FRK: variants seen among roughly 807,000 people sequenced by gnomAD.
FRK encodes fyn related Src family tyrosine kinase, also known as tyrosine-protein kinase FRK.
FRK carries 51 observed loss-of-function variants against 56.4 expected under a neutral mutation model. The observed-to-expected ratio is 0.90, with a 90% CI of 0.72 to 1.14. The LOEUF (loss-of-function observed/expected upper bound fraction) is 1.14, where lower values mean the gene tolerates loss of function less well. FRK is among the 50% of genes most tolerant of loss of function. The pLI is 0.00. For synonymous variants in FRK, 245 were observed against 217.9 expected (o/e 1.12, Z -1.10); for missense variants, 570 against 601.4 (o/e 0.95, Z 0.55).
At chr6:116,070,676 C>T in the FRK span, among the ~76,000 whole-genome samples, 4 of 152,170 alleles carry the variant, frequency 2.6e-5, no homozygotes, top group Non-Finnish European at 5.9e-5. Flanking sequence ...AGGTTAATTT[C>T]TATCACCCAT....
intron 1 of FRK, among the ~76,000 whole-genome samples, chr6:116,041,283 G>T (rs1776700357): frequency 6.6e-6 from 1 of 152,156 alleles, no homozygotes; most frequent in Admixed American, 6.5e-5. Context: ...GTATTCTCTG[G>T]ATTATAACAG....
intron 1 of FRK, among the ~76,000 whole-genome samples, chr6:116,030,774 G>A (rs1032730895): frequency 2.6e-5 from 4 of 152,058 alleles, no homozygotes; most frequent in African/African-American, 4.8e-5. Context: ...GTTTCCCTGA[G>A]TTCTGTGAGC....
chr6:115,947,267 A>G (rs1772495937), intron 5 of FRK, among the ~76,000 whole-genome samples: 1 of 152,102 alleles, frequency 6.6e-6, no homozygotes, highest in African/African-American at 2.4e-5. Flanking sequence ...TTTTTAATAA[A>G]AAATGAAATA....
chr6:116,034,440 T>C (rs1776397830), intron 1 of FRK, among the ~76,000 whole-genome samples: 1 of 152,124 alleles, frequency 6.6e-6, no homozygotes, highest in South Asian at 2.1e-4. Context: ...CAACAAGTAT[T>C]ACGATATGGA....
chr6:115,968,832 A>T, intron 2 of FRK, 93 bp from the exon 3 acceptor site: 2 of 1,035,450 alleles, frequency 1.9e-6, no homozygotes, highest in East Asian at 5.0e-5. Context: ...CATAAAATGA[A>T]ATCTATATAA....
intron 5 of FRK, among the ~76,000 whole-genome samples, chr6:115,951,515 C>G (rs948157391): frequency 1.3e-5 from 2 of 152,096 alleles, no homozygotes; most frequent in Admixed American, 1.3e-4. Flanking sequence ...GATATTTATC[C>G]TCTTTAAATT....
At chr6:116,095,272 C>T in the FRK span, among the ~76,000 whole-genome samples, 1 of 152,196 alleles carries the variant, frequency 6.6e-6, no homozygotes, top group Admixed American at 6.5e-5. Context: ...TAAGGGAACT[C>T]TTTATAGAAG....
At chr6:115,948,479 C>T (rs1385083619) in intron 5 of FRK, among the ~76,000 whole-genome samples, 1 of 152,196 alleles carries the variant, frequency 6.6e-6, no homozygotes, top group Non-Finnish European at 1.5e-5. Context: ...CTAAGTTTTA[C>T]AAGTTTCTCC....
chr6:116,053,639 G>A (rs1236329015), intron 1 of FRK, among the ~76,000 whole-genome samples: 1 of 152,026 alleles, frequency 6.6e-6, no homozygotes, highest in Non-Finnish European at 1.5e-5. Flanking sequence ...GTTAAAATTT[G>A]GGTTCTAATC....
chr6:115,953,780 A>G (rs1011067431), intron 5 of FRK, among the ~76,000 whole-genome samples: 1 of 152,202 alleles, frequency 6.6e-6, no homozygotes, highest in Non-Finnish European at 1.5e-5. Flanking sequence ...CCAAGTCCCA[A>G]TCTTGTTAGG....
At chr6:115,988,945 T>A (rs1049236464) in intron 2 of FRK, among the ~76,000 whole-genome samples, 1 of 151,900 alleles carries the variant, frequency 6.6e-6, no homozygotes, top group African/African-American at 2.4e-5. Context: ...TGACTGACTT[T>A]CATCACCAGG....
intron 2 of FRK, among the ~76,000 whole-genome samples, chr6:115,974,145 T>C (rs1384241612): frequency 2.6e-5 from 4 of 152,144 alleles, no homozygotes; most frequent in African/African-American, 4.8e-5. Context: ...ATTTCCCTTA[T>C]ATAAACAAGA....
At chr6:115,947,252 T>A (rs929736973) in intron 5 of FRK, among the ~76,000 whole-genome samples, 2 of 152,154 alleles carry the variant, frequency 1.3e-5, no homozygotes, top group Non-Finnish European at 2.9e-5. Flanking sequence ...TCTATATATA[T>A]GATATTTTTA....
intron 1 of FRK, among the ~76,000 whole-genome samples, chr6:116,031,765 A>T (rs1776312131): frequency 6.6e-6 from 1 of 152,146 alleles, no homozygotes. Flanking sequence ...AAAAGATGAA[A>T]GTGTTATAAA....
chr6:116,028,861 T>C (rs143226938), intron 1 of FRK, among the ~76,000 whole-genome samples: 195 of 152,274 alleles, frequency 1.3e-3, no homozygotes, highest in Middle Eastern at 6.8e-3. Context: ...TATCATTCAG[T>C]AATTCACTTA....
chr6:115,944,152 T>C, intron 6 of FRK, 92 bp downstream of exon 6: 6 of 1,061,556 alleles, frequency 5.7e-6, no homozygotes, highest in Non-Finnish European at 8.0e-6. Flanking sequence ...TGGAGAAACA[T>C]TGTTTTAAAG....
chr6:115,974,910 CAGT>C (rs1773937794), intron 2 of FRK, among the ~76,000 whole-genome samples: 1 of 152,160 alleles, frequency 6.6e-6, no homozygotes, highest in Admixed American at 6.6e-5. Flanking sequence ...CTATTTATCA[CAGT>C]AGAATTATCT....
At chr6:116,044,173 C>T (rs1033918018) in intron 1 of FRK, among the ~76,000 whole-genome samples, 2 of 152,182 alleles carry the variant, frequency 1.3e-5, no homozygotes, top group African/African-American at 4.8e-5. Context: ...GAAGCTGGTA[C>T]CATTCCTTCT....
chr6:116,077,011 G>A, the FRK span, among the ~76,000 whole-genome samples: 6 of 152,214 alleles, frequency 3.9e-5, no homozygotes, highest in East Asian at 1.9e-4. Flanking sequence ...AGATAATTCC[G>A]AAGTATTCAT....
Sources: gnomAD v4.1 joint callset for allele counts (sites outside exome capture counted in the v4.1 genomes callset) on GRCh38, gnomAD v4.1.1 for gene constraint, MANE v1.5 for transcripts, NCBI Gene and HGNC (gene_info 2026-07-23, HGNC 2026-07-21) for gene names.